IFT80: variants seen among roughly 807,000 people sequenced by gnomAD.
IFT80 encodes intraflagellar transport 80.
IFT80 carries 79 observed loss-of-function variants against 107.9 expected under a neutral mutation model. That is an observed-to-expected ratio of 0.73 (90% CI 0.61 to 0.88). The LOEUF (loss-of-function observed/expected upper bound fraction) is 0.88, where lower values mean the gene tolerates loss of function less well. Among genes scored for constraint, IFT80 ranks in the 40% least tolerant of loss-of-function variants. The pLI, the probability that IFT80 is intolerant of heterozygous loss-of-function variation, is 0.00. For missense variants in IFT80, 797 were observed against 914.2 expected, an observed-to-expected ratio of 0.87 and a Z score of 1.65; for synonymous variants, 299 against 300.9, an observed-to-expected ratio of 0.99 and a Z score of 0.07.
At chr3:160,286,351 T>C (rs901871096) in intron 12 of IFT80, among the ~76,000 whole-genome samples, 3 of 152,188 alleles carry the variant, frequency 2.0e-5, no homozygotes, top group Admixed American at 1.3e-4. Flanking sequence ...GGGGTGCAGA[T>C]GGTTAAAAGC....
At chr3:160,367,299 T>C (rs1436708630) in intron 5 of IFT80, among the ~76,000 whole-genome samples, 2 of 152,064 alleles carry the variant, frequency 1.3e-5, no homozygotes, top group Admixed American at 1.3e-4. Context: ...TACCCAGCAA[T>C]GGAGTTATAG....
intron 14 of IFT80, among the ~76,000 whole-genome samples, chr3:160,281,465 C>G (rs1336185389): frequency 1.3e-5 from 2 of 152,142 alleles, no homozygotes; most frequent in Non-Finnish European, 2.9e-5. Flanking sequence ...TCAGGAGAGG[C>G]CCCTGCCACC....
chr3:160,277,678 A>G lies in IFT80; in HGVS notation c.1837-8T>C. The G allele has an allele frequency of 6.3e-7, 1 of 1,593,466 alleles. No individual in the cohort carries two copies. Among genetic ancestry groups the G allele is most frequent in the Non-Finnish European group, 8.6e-7 (1 of 1,161,706 alleles). On this transcript the variant is annotated splice_polypyrimidine_tract_variant and splice_region_variant and intron_variant, in intron 16 of 19. Coordinates refer to ENST00000326448, the MANE Select transcript of IFT80 (RefSeq NM_020800.3). ...AGCCCACATGGTTTGCTCCTAAAGT[A>G]AAGTATGAGAACAATTATCTTAACT... is the stretch of plus-strand genomic sequence containing the variant.
At chr3:160,272,542 CT>C (rs1355246463) in intron 18 of IFT80, among the ~76,000 whole-genome samples, 1 of 152,074 alleles carries the variant, frequency 6.6e-6, no homozygotes, top group Non-Finnish European at 1.5e-5. Context: ...AAAATTCCAT[CT>C]TTTCATCCCT....
chr3:160,264,093 C>A (rs544612966), intron 19 of IFT80, among the ~76,000 whole-genome samples: 1 of 148,240 alleles, frequency 6.7e-6, no homozygotes, highest in Non-Finnish European at 1.5e-5. Context: ...TGAGCCACTG[C>A]GCATAGCCAG....
intron 8 of IFT80, among the ~76,000 whole-genome samples, chr3:160,326,110 T>A (rs1275886580): frequency 1.3e-5 from 2 of 152,020 alleles, no homozygotes; most frequent in African/African-American, 4.8e-5. Context: ...GTTACCTACA[T>A]AACAAACCTG....
intron 8 of IFT80, 100 bp downstream of exon 8, chr3:160,355,913 G>A (rs1721045487): frequency 5.4e-6 from 7 of 1,289,808 alleles, no homozygotes; most frequent in Non-Finnish European, 2.2e-6. Flanking sequence ...TCAACCAGAT[G>A]CATCCATTGA....
chr3:160,291,337 T>C (rs1273132930), intron 12 of IFT80, among the ~76,000 whole-genome samples: 3 of 152,186 alleles, frequency 2.0e-5, no homozygotes, highest in Non-Finnish European at 4.4e-5. Flanking sequence ...GGAAAGGCAA[T>C]GCCCAGAAGA....
At position 160,306,018 on chromosome 3, in the gene IFT80, T is replaced by C. The variant is rs1337750937; in HGVS notation, c.1076+1645A>G. On this transcript the variant is annotated intron_variant, in intron 10 of 19. Transcript: ENST00000326448. ...TAGATTTTTAAAACTTTATGAAATA[T>C]GTTTTGGTGGTGATTCATTCCCACT... Among the ~76,000 whole-genome samples the C allele has an allele frequency of 5.3e-5, 8 of 152,174 alleles. No homozygotes were observed. In the East Asian group the frequency reaches 7.7e-4, roughly 15 times the overall value.
At chr3:160,331,108 T>C (rs558023078) in intron 8 of IFT80, among the ~76,000 whole-genome samples, 15 of 152,332 alleles carry the variant, frequency 9.8e-5, no homozygotes, top group African/African-American at 2.9e-4. Context: ...GGAAGCACTT[T>C]ATGGCTTCTC....
chr3:160,395,648 C>A (rs1193949023), intron 1 of IFT80, among the ~76,000 whole-genome samples: 1 of 152,158 alleles, frequency 6.6e-6, no homozygotes, highest in Non-Finnish European at 1.5e-5. Context: ...GCTGGAGTTG[C>A]TGTAGCTATC....
At chr3:160,338,648 G>A (rs1185479795) in intron 8 of IFT80, among the ~76,000 whole-genome samples, 1 of 150,874 alleles carries the variant, frequency 6.6e-6, no homozygotes, top group Admixed American at 6.6e-5. Context: ...AAAAAAAAGG[G>A]ACCTGAAGGA....
intron 2 of IFT80, chr3:160,383,750 G>C (rs1390627622): frequency 1.0e-6 from 1 of 985,068 alleles, no homozygotes; most frequent in Non-Finnish European, 1.2e-6. Flanking sequence ...CACATAACTG[G>C]GGACTCTTGC....
At chr3:160,280,886 C>A in intron 14 of IFT80, 72 bp from the exon 15 acceptor site, 2 of 1,341,354 alleles carry the variant, frequency 1.5e-6, no homozygotes, top group South Asian at 2.5e-5. Flanking sequence ...CTTTAAAATG[C>A]CTGACAAACA....
chr3:160,300,126 C>T (rs772474564), intron 12 of IFT80, among the ~76,000 whole-genome samples: 14 of 152,106 alleles, frequency 9.2e-5, no homozygotes, highest in African/African-American at 2.2e-4. Context: ...ACCTTCACAA[C>T]GCTTTATTCT....
chr3:160,258,782 G>T, intron 19 of IFT80, 147 bp from the exon 20 acceptor site: 1 of 1,117,418 alleles, frequency 8.9e-7, no homozygotes, highest in Admixed American at 2.5e-5. Context: ...GAGAAAAAGA[G>T]AGCATCAAAG....
At chr3:160,294,247 C>T (rs1715802592) in intron 12 of IFT80, among the ~76,000 whole-genome samples, 1 of 152,002 alleles carries the variant, frequency 6.6e-6, no homozygotes, top group African/African-American at 2.4e-5. Flanking sequence ...GAGACAGGGT[C>T]CTGCTCTGAT....
At chr3:160,364,579 A>G (rs1026109001) in intron 6 of IFT80, among the ~76,000 whole-genome samples, 11 of 152,206 alleles carry the variant, frequency 7.2e-5, no homozygotes, top group Non-Finnish European at 2.9e-5. Flanking sequence ...ACTATTCACA[A>G]TAGCAAAGAC....
Position 160,300,978 on chromosome 3 carries a change from G to A in IFT80, c.1220C>T (p.Pro407Leu). 4.4e-6 allele frequency: 7 copies of A among 1,608,440 alleles called. No individual in the cohort carries two copies. Among genetic ancestry groups the A allele is most frequent in the Non-Finnish European group, 5.9e-6 (7 of 1,176,648 alleles). ...ATCTGTTCTCATTCCAGGAAATTTTGGAGATGAAATAAAGCGCCCTTCATA... is the reference window on the plus strand; with the variant it reads ...ATCTGTTCTCATTCCAGGAAATTTTAGAGATGAAATAAAGCGCCCTTCATA... ...YSYEGRFISS[P>L]KFPGMRTDIL... The change falls in exon 12 of 20, where the codon CCA (proline) becomes CTA (leucine). Residue 407 changes from proline to leucine, a missense_variant. Transcript: ENST00000326448.
Sources: gnomAD v4.1 joint callset for allele counts (sites outside exome capture counted in the v4.1 genomes callset) on GRCh38, gnomAD v4.1.1 for gene constraint, MANE v1.5 for transcripts, NCBI Gene and HGNC (gene_info 2026-07-23, HGNC 2026-07-21) for gene names.